Variants in RPTOR observed in about 807,000 individuals in gnomAD.
RPTOR encodes regulatory-associated protein of mTOR.
A neutral mutation model predicts 169.9 loss-of-function variants in RPTOR; 21 were observed. The observed-to-expected ratio is 0.12, with a 90% confidence interval of 0.09 to 0.18. RPTOR has a LOEUF of 0.18. Among genes scored for constraint, RPTOR ranks in the 10% least tolerant of loss-of-function variants. The probability of loss-of-function intolerance (pLI) is 1.00; values close to 1 mark genes in which losing one functional copy is unlikely to be tolerated. For synonymous variants in RPTOR, 732 were observed against 753.2 expected (o/e 0.97, Z 0.46); for missense variants, 1,133 against 1,855.9 (o/e 0.61, Z 7.16).
chr17:80,921,646 T>C (rs2068746234), intron 21 of RPTOR, among the ~76,000 whole-genome samples: 2 of 152,208 alleles, frequency 1.3e-5, no homozygotes, highest in African/African-American at 2.4e-5. Flanking sequence ...CAAATCTTTT[T>C]CTGTGGTAGA....
chr17:80,576,447 G>A (rs928354438), intron 1 of RPTOR, among the ~76,000 whole-genome samples: 26 of 152,192 alleles, frequency 1.7e-4, no homozygotes, highest in South Asian at 4.1e-4. Flanking sequence ...TATTTAATCC[G>A]TTTGTTTCTT....
chr17:80,892,841 T>G lies in RPTOR; in HGVS notation c.2214T>G (p.Ser738=). 1 of 1,614,158 alleles carries G rather than the reference T, an allele frequency of 6.2e-7. No homozygotes were observed. The highest frequency in any genetic ancestry group is 1.1e-5 in the South Asian group (1 of 91,086). Residue 738 remains serine (S), a synonymous_variant, in exon 19 of 34, where the codon TCT becomes TCG. Transcript: ENST00000306801. Reference sequence around the variant, plus strand: ...CCACAGCCAGGAGCCTCAACAAATCTTTGCAGAACCTGAGTTTGACAGAGG... The same window carrying G: ...CCACAGCCAGGAGCCTCAACAAATCGTTGCAGAACCTGAGTTTGACAGAGG... ...AVATARSLNK[S]LQNLSLTEES...
Position 80,966,245 on chromosome 17 carries a change from C to T in RPTOR, c.*1915C>T, listed in dbSNP as rs114039946. On this transcript the variant is annotated 3_prime_UTR_variant, in exon 34 of 34. Coordinates refer to ENST00000306801, the MANE Select transcript of RPTOR (RefSeq NM_020761.3). Reference sequence around the variant, plus strand: ...GACGTTAACCGGCTCGAGAGAGCGCCGGCCTAGAGGCTCATTATCTATTTA... The same window carrying T: ...GACGTTAACCGGCTCGAGAGAGCGCTGGCCTAGAGGCTCATTATCTATTTA... 2,305 of 232,772 alleles carry T rather than the reference C, an allele frequency of 9.9e-3. 63 individuals carry two copies. Among genetic ancestry groups the T allele is most frequent in the African/African-American group, 0.047 (2,151 of 45,394 alleles). 14.4% of individuals were successfully genotyped at this position (232,772 alleles called of 1,614,324 possible).
intron 9 of RPTOR, among the ~76,000 whole-genome samples, chr17:80,830,925 T>C (rs988545573): frequency 2.0e-5 from 3 of 151,972 alleles, no homozygotes; most frequent in African/African-American, 7.3e-5. Flanking sequence ...TTGTATTTTT[T>C]GTAGAGATGA....
chr17:80,906,460 T>C (rs942825387), intron 20 of RPTOR, among the ~76,000 whole-genome samples: 4 of 152,206 alleles, frequency 2.6e-5, no homozygotes, highest in African/African-American at 9.6e-5. Flanking sequence ...AGAAGGTGCA[T>C]CTGCGTGGCA....
chr17:80,783,439 GACA>G (rs1422033336), intron 6 of RPTOR, among the ~76,000 whole-genome samples: 1 of 152,224 alleles, frequency 6.6e-6, no homozygotes, highest in Non-Finnish European at 1.5e-5. Flanking sequence ...CTAAATTACA[GACA>G]ACATGATGTT....
At chr17:80,832,259 C>T (rs1377647679) in intron 9 of RPTOR, among the ~76,000 whole-genome samples, 3 of 152,330 alleles carry the variant, frequency 2.0e-5, no homozygotes, top group East Asian at 3.9e-4. Flanking sequence ...GCTGCCGTGG[C>T]CCCAGGTGTC....
intron 1 of RPTOR, among the ~76,000 whole-genome samples, chr17:80,621,547 C>T (rs1271871230): frequency 1.3e-5 from 2 of 152,186 alleles, no homozygotes; most frequent in Admixed American, 1.3e-4. Context: ...CTTCACCCAG[C>T]GAGCTTGCCC....
chr17:80,778,318 C>T (rs2066910040), intron 6 of RPTOR, among the ~76,000 whole-genome samples: 1 of 152,196 alleles, frequency 6.6e-6, no homozygotes, highest in Admixed American at 6.5e-5. Flanking sequence ...ATCCTATGTT[C>T]TTCCTTAGCA....
At chr17:80,676,448 T>C (rs549480893) in intron 3 of RPTOR, among the ~76,000 whole-genome samples, 3 of 152,180 alleles carry the variant, frequency 2.0e-5, no homozygotes, top group Admixed American at 2.0e-4. Context: ...GCACCAGGCA[T>C]CAGGGCCCCC....
At chr17:80,767,153 G>A (rs1398195850) in intron 6 of RPTOR, among the ~76,000 whole-genome samples, 1 of 152,124 alleles carries the variant, frequency 6.6e-6, no homozygotes. Context: ...CAGGTGGATC[G>A]CTTGAGCCCA....
chr17:80,941,372 G>C (rs1321096759), intron 25 of RPTOR: 2 of 152,614 alleles, frequency 1.3e-5, no homozygotes, highest in East Asian at 3.8e-4. Flanking sequence ...GTGGGGAGCA[G>C]GGAGGCCCTG....
chr17:80,569,578 A>G (rs1224656864), intron 1 of RPTOR, among the ~76,000 whole-genome samples: 1 of 152,206 alleles, frequency 6.6e-6, no homozygotes, highest in East Asian at 1.9e-4. Context: ...GGTCTAGGTC[A>G]GGATTGGAAA....
rs9747173 is a variant in RPTOR at position 80,957,135 on chromosome 17, G to T, written c.3371-489G>T. On this transcript the variant is annotated intron_variant, in intron 28 of 33. Transcript: ENST00000306801. The surrounding 1 kb of genome is among the most constrained non-coding windows in gnomAD (Gnocchi z 4.6). Reference sequence around the variant, plus strand: ...GAACTGTCACCCCGGCCTGGACTTGGGAGTTCCAGCTTAGAATTGTCACCC... The same window carrying T: ...GAACTGTCACCCCGGCCTGGACTTGTGAGTTCCAGCTTAGAATTGTCACCC... Among the ~76,000 whole-genome samples the T allele has an allele frequency of 0.11, 13,543 of 122,852 alleles. 1,682 individuals are homozygous for T. The highest frequency in any genetic ancestry group is 0.44 in the African/African-American group (10,698 of 24,514). 80.6% of individuals were successfully genotyped at this position (122,852 alleles called of 152,430 possible).
chr17:80,625,306 T>C (rs2143531363), intron 1 of RPTOR, among the ~76,000 whole-genome samples: 1 of 152,382 alleles, frequency 6.6e-6, no homozygotes, highest in African/African-American at 2.4e-5. Flanking sequence ...ATTTTACATC[T>C]GGTTTAATAT....
At chr17:80,560,257 GGAC>G (rs1428074172) in intron 1 of RPTOR, among the ~76,000 whole-genome samples, 1 of 152,214 alleles carries the variant, frequency 6.6e-6, no homozygotes, top group Non-Finnish European at 1.5e-5. Context: ...CATGGTGGCT[GGAC>G]GAAGATCTGT....
At chr17:80,943,059 G>A (rs1053861288) in intron 25 of RPTOR, among the ~76,000 whole-genome samples, 3 of 152,256 alleles carry the variant, frequency 2.0e-5, no homozygotes, top group Non-Finnish European at 4.4e-5. Context: ...GTGGTTCTGG[G>A]TGTTTGCTGG....
chr17:80,558,379 G>C (rs1186774101), intron 1 of RPTOR, among the ~76,000 whole-genome samples: 1 of 152,156 alleles, frequency 6.6e-6, no homozygotes, highest in Non-Finnish European at 1.5e-5. Context: ...TTCAGAGGCC[G>C]AACAGGAAAC....
At chr17:80,703,395 G>A (rs1044917899) in intron 3 of RPTOR, among the ~76,000 whole-genome samples, 2 of 152,124 alleles carry the variant, frequency 1.3e-5, no homozygotes, top group African/African-American at 4.8e-5. Flanking sequence ...GAGGCTGGCA[G>A]GCGCTCACCC....
Sources: gnomAD v4.1 joint callset for allele counts (sites outside exome capture counted in the v4.1 genomes callset) on GRCh38, gnomAD v4.1.1 for gene constraint, Gnocchi (gnomAD v3.1) non-coding constraint, MANE v1.5 for transcripts, NCBI Gene and HGNC (gene_info 2026-07-23, HGNC 2026-07-21) for gene names.